Variants in MTUS2 observed in about 807,000 individuals in gnomAD.
MTUS2 encodes the protein microtubule associated scaffold protein 2, also known as microtubule-associated tumor suppressor candidate 2.
A neutral mutation model predicts 114.1 loss-of-function variants in MTUS2; 40 were observed. The observed-to-expected ratio is 0.35, with a 90% CI of 0.27 to 0.46. The LOEUF is 0.46. MTUS2 is among the 20% of genes least tolerant of loss of function. The pLI, the probability that MTUS2 is intolerant of heterozygous loss-of-function variation, is 1.00. For synonymous variants in MTUS2, 688 were observed against 672.0 expected, an observed-to-expected ratio of 1.02 and a Z score of -0.37; for missense variants, 1,679 against 1,705.4, an observed-to-expected ratio of 0.98 and a Z score of 0.27.
chr13:28,953,316 C>A (rs1375701673), intron 2 of MTUS2, among the ~76,000 whole-genome samples: 1 of 151,992 alleles, frequency 6.6e-6, no homozygotes, highest in Admixed American at 6.6e-5. Context: ...TGAGACCAGC[C>A]CGGCCAACAT....
chr13:29,459,220 G>A (rs1879318879), intron 9 of MTUS2, among the ~76,000 whole-genome samples: 1 of 152,144 alleles, frequency 6.6e-6, no homozygotes, highest in South Asian at 2.1e-4. Flanking sequence ...ATAAAGAAAG[G>A]GAGATGAGGA....
chr13:28,983,466 G>A (rs561319788), intron 2 of MTUS2, among the ~76,000 whole-genome samples: 6 of 152,256 alleles, frequency 3.9e-5, no homozygotes, highest in African/African-American at 1.4e-4. Context: ...AATATATGAT[G>A]TAAAATACCT....
intron 7 of MTUS2, among the ~76,000 whole-genome samples, chr13:29,351,195 G>A (rs545140176): frequency 6.6e-6 from 1 of 152,054 alleles, no homozygotes; most frequent in Admixed American, 6.5e-5. Context: ...TTTTGATGAT[G>A]ATGCTTCTTT....
chr13:29,118,881 G>T (rs1338694330), intron 5 of MTUS2, among the ~76,000 whole-genome samples: 1 of 152,190 alleles, frequency 6.6e-6, no homozygotes, highest in East Asian at 1.9e-4. Flanking sequence ...GGAGTGGACG[G>T]TGAGTCCTGA....
chr13:29,109,560 C>T (rs1890802262), intron 5 of MTUS2, among the ~76,000 whole-genome samples: 1 of 152,154 alleles, frequency 6.6e-6, no homozygotes, highest in African/African-American at 2.4e-5. Context: ...AGTTTGCTAG[C>T]TTTGTGACTT....
rs1332317909 is a variant in MTUS2, at chr13:29,505,305, G to A, written c.*2099G>A. 2 of 231,472 alleles carry A rather than the reference G, an allele frequency of 8.6e-6. No homozygotes were observed. Among genetic ancestry groups the A allele is most frequent in the African/African-American group, 2.2e-5 (1 of 45,216 alleles). The allele number at this position is 231,472 out of a possible 1,614,324, so 14.3% of individuals were successfully genotyped here. ...ACTGACTTCCGTGTGATGCTAGAAC[G>A]TGGTACAGTGTATTAGGCTGCTGTG... On this transcript the variant is annotated 3_prime_UTR_variant, in exon 16 of 16. Transcript: ENST00000612955.
intron 2 of MTUS2, among the ~76,000 whole-genome samples, chr13:28,864,304 A>G (rs984666560): frequency 3.3e-5 from 5 of 152,204 alleles, no homozygotes; most frequent in African/African-American, 9.6e-5. Flanking sequence ...AGGGTCCATG[A>G]AAAATAAAAG....
intron 5 of MTUS2, among the ~76,000 whole-genome samples, chr13:29,260,677 T>C (rs538450438): frequency 4.5e-4 from 68 of 152,350 alleles, no homozygotes; most frequent in Non-Finnish European, 7.9e-4. Context: ...CTCAGCAGGA[T>C]TTTTTTATGC....
At chr13:29,487,697 C>T (rs1881728061) in intron 10 of MTUS2, 1 of 593,500 alleles carries the variant, frequency 1.7e-6, no homozygotes, top group African/African-American at 1.9e-5. Flanking sequence ...TTGGACCCCC[C>T]TACAAAGAGC....
At position 29,062,278 on chromosome 13, in the gene MTUS2, G is replaced by T. The variant is rs974405693; in HGVS notation, c.2446+28153G>T. 2.6e-5 allele frequency among the ~76,000 whole-genome samples: 4 copies of T among 152,210 alleles called. No homozygotes were observed. The East Asian group carries it at 7.7e-4, about 29-fold the overall frequency. ...TGGGATTACAGGCATGAGCCACCAT[G>T]CCCAGCCTCAAGAATGCTTTAAAAA... On this transcript the variant is annotated intron_variant, in intron 4 of 15. Transcript: ENST00000612955.
At chr13:28,961,180 G>T (rs755177413) in intron 2 of MTUS2, among the ~76,000 whole-genome samples, 3 of 152,106 alleles carry the variant, frequency 2.0e-5, no homozygotes, top group Non-Finnish European at 4.4e-5. Context: ...CCTGGAAAAT[G>T]AGGAGAAAGA....
chr13:29,017,874 A>T (rs1886132319), intron 2 of MTUS2, among the ~76,000 whole-genome samples: 1 of 152,216 alleles, frequency 6.6e-6, no homozygotes, highest in African/African-American at 2.4e-5. Flanking sequence ...TCATAATTTC[A>T]TAAAGGGAAT....
At chr13:29,320,271 G>A (rs888133556) in intron 6 of MTUS2, among the ~76,000 whole-genome samples, 4 of 152,122 alleles carry the variant, frequency 2.6e-5, no homozygotes, top group South Asian at 2.1e-4. Context: ...CACGAGAGGC[G>A]AACAAGGCAA....
At chr13:29,284,755 G>T (rs1898408778) in intron 6 of MTUS2, among the ~76,000 whole-genome samples, 1 of 152,086 alleles carries the variant, frequency 6.6e-6, no homozygotes, top group South Asian at 2.1e-4. Flanking sequence ...GTGTATTATG[G>T]GATGAATGGG....
At chr13:29,215,276 G>C (rs1895629567) in intron 5 of MTUS2, among the ~76,000 whole-genome samples, 1 of 151,748 alleles carries the variant, frequency 6.6e-6, no homozygotes, top group Non-Finnish European at 1.5e-5. Flanking sequence ...CTTTTATCAA[G>C]GTTCTTAGCT....
chr13:29,342,264 T>A (rs1901439946), intron 7 of MTUS2, among the ~76,000 whole-genome samples: 1 of 152,216 alleles, frequency 6.6e-6, no homozygotes, highest in Non-Finnish European at 1.5e-5. Flanking sequence ...TTCACAATAT[T>A]GATTCTACCC....
At position 29,363,252 on chromosome 13, in the gene MTUS2, T is replaced by C. The variant is rs1251700732; in HGVS notation, c.3117+3779T>C. 4.6e-5 allele frequency among the ~76,000 whole-genome samples: 7 copies of C among 152,214 alleles called. No individual in the cohort carries two copies. In the East Asian group the frequency reaches 1.3e-3, roughly 29 times the overall value. ...CCTCACCCTGCAGCATGGAGTTTTA[T>C]ACACATTACCTGAGGGTACATGGAT... is the stretch of plus-strand genomic sequence containing the variant. On this transcript the variant is annotated intron_variant, in intron 8 of 15. Coordinates refer to ENST00000612955, the MANE Select transcript of MTUS2 (RefSeq NM_001033602.4).
intron 8 of MTUS2, among the ~76,000 whole-genome samples, chr13:29,408,236 A>T (rs1031369082): frequency 8.1e-5 from 12 of 147,412 alleles, no homozygotes; most frequent in Non-Finnish European, 1.7e-4. Context: ...GTCTTGATTA[A>T]AAAAAAACCC....
chr13:28,933,118 A>AACAC (rs59162969), intron 2 of MTUS2, among the ~76,000 whole-genome samples: 1,487 of 145,296 alleles, frequency 0.01, 19 homozygotes, highest in African/African-American at 0.022. Context: ...GGAGAATCAG[A>AACAC]ACACACACAC....
Sources: allele counts gnomAD v4.1 joint callset (sites outside exome capture counted in the v4.1 genomes callset), GRCh38; gene constraint gnomAD v4.1.1; transcripts MANE v1.5; gene names NCBI Gene and HGNC (gene_info 2026-07-23, HGNC 2026-07-21).